Variants in DENND5A observed in about 807,000 individuals in gnomAD.
The protein encoded by DENND5A is DENN domain-containing protein 5A.
DENND5A carries 64 observed loss-of-function variants against 140.3 expected under a neutral mutation model. The observed-to-expected ratio is 0.46, with a 90% CI of 0.37 to 0.56. The LOEUF (loss-of-function observed/expected upper bound fraction) is 0.56. Among genes scored for constraint, DENND5A ranks in the 20% least tolerant of loss-of-function variants. DENND5A has a pLI of 0.00. For synonymous variants in DENND5A, 605 were observed against 607.7 expected, an observed-to-expected ratio of 1.00 and a Z score of 0.07; for missense variants, 1,292 against 1,593.8, an observed-to-expected ratio of 0.81 and a Z score of 3.22.
chr11:9,265,161 C>A lies in DENND5A; in HGVS notation c.-92G>T. 3.2e-6 allele frequency: 2 copies of A among 625,342 alleles called. No individual in the cohort carries two copies. The highest frequency in any genetic ancestry group is 6.7e-5 in the South Asian group (1 of 14,816). 38.7% of individuals were successfully genotyped at this position (625,342 alleles called of 1,614,324 possible). On this transcript the variant is annotated 5_prime_UTR_variant, in exon 1 of 23. Transcript: ENST00000328194. This position sits in a 1 kb window ranked among gnomAD's most constrained non-coding sequence, Gnocchi z 4.7. ...CCCGTCCGCCCTCAGGCCGCCCCTC[C>A]CGCCGCCGCCGCTACCGCGGCTCGG...
intron 5 of DENND5A, among the ~76,000 whole-genome samples, chr11:9,191,793 C>G (rs1051798594): frequency 2.4e-4 from 36 of 152,252 alleles, no homozygotes; most frequent in African/African-American, 8.2e-4. Context: ...GCCTCTTTGG[C>G]CTTCCACCTT....
chr11:9,183,568 A>G (rs1263795465), intron 5 of DENND5A, among the ~76,000 whole-genome samples: 1 of 151,678 alleles, frequency 6.6e-6, no homozygotes, highest in Non-Finnish European at 1.5e-5. Flanking sequence ...ACACAACATC[A>G]CACCTGGCTA....
intron 8 of DENND5A, among the ~76,000 whole-genome samples, chr11:9,174,686 C>T (rs1310619029): frequency 1.3e-5 from 2 of 151,524 alleles, no homozygotes; most frequent in Non-Finnish European, 2.9e-5. Flanking sequence ...AGCAACAGAG[C>T]GAGACCCCAT....
At position 9,222,022 on chromosome 11, in the gene DENND5A, G is replaced by T. The variant is rs370857228; in HGVS notation, c.110-14390C>A. Among the ~76,000 whole-genome samples the T allele has an allele frequency of 7.2e-5, 11 of 152,322 alleles. No homozygotes were observed. In the East Asian group the frequency reaches 2.1e-3, roughly 29 times the overall value. The stretch of plus-strand genomic sequence containing the variant: ...TCCGCCCACCTTGGCCTCCCAAAGT[G>T]CTGGGATTACAGGCGTGAGCCACTG... On this transcript the variant is annotated intron_variant, in intron 1 of 22. Coordinates refer to ENST00000328194, the MANE Select transcript of DENND5A (RefSeq NM_015213.4).
chr11:9,220,365 T>C (rs543336759), intron 1 of DENND5A, among the ~76,000 whole-genome samples: 3 of 151,940 alleles, frequency 2.0e-5, no homozygotes, highest in African/African-American at 7.2e-5. Flanking sequence ...CTGACCAACA[T>C]GGAGAAACCC....
rs1192383909 is a variant in DENND5A at position 9,180,751 on chromosome 11, CAT to C, written c.1455+14_1455+15del. 1.2e-6 allele frequency: 2 copies of C among 1,610,666 alleles called. No homozygotes were observed. The highest frequency in any genetic ancestry group is 1.7e-6 in the Non-Finnish European group (2 of 1,178,124). On this transcript the variant is annotated intron_variant, in intron 6 of 22. Coordinates refer to ENST00000328194, the MANE Select transcript of DENND5A (RefSeq NM_015213.4). Reference sequence around the variant, plus strand: ...GCACAGATCACACGTGTCACAGACTCATATACACATCTTACCTTTTCCAGGCT... The same window carrying C: ...GCACAGATCACACGTGTCACAGACTCATACACATCTTACCTTTTCCAGGCT...
intron 22 of DENND5A, among the ~76,000 whole-genome samples, chr11:9,141,019 G>A (rs759651121): frequency 3.3e-5 from 5 of 152,202 alleles, no homozygotes; most frequent in African/African-American, 9.6e-5. Context: ...CCAGCTACTC[G>A]GGAGGCTGAG....
intron 1 of DENND5A, among the ~76,000 whole-genome samples, chr11:9,214,951 T>C (rs1283337455): frequency 6.6e-6 from 1 of 152,196 alleles, no homozygotes; most frequent in East Asian, 1.9e-4. Flanking sequence ...CTCGAACTCC[T>C]GACCTTAAGT....
intron 15 of DENND5A, 80 bp from the exon 16 acceptor site, chr11:9,147,231 C>T (rs1847462723): frequency 2.0e-6 from 3 of 1,478,960 alleles, no homozygotes; most frequent in Admixed American, 1.8e-5. Context: ...TGGAAGGAGA[C>T]AGCTAAGGGA....
At chr11:9,166,899 CAT>C (rs1424508544) in intron 10 of DENND5A, among the ~76,000 whole-genome samples, 2 of 151,928 alleles carry the variant, frequency 1.3e-5, no homozygotes, top group Non-Finnish European at 2.9e-5. Context: ...TCAAAAAACA[CAT>C]GACTACAGCA....
rs953787615 is a variant in DENND5A, at chr11:9,259,374, C to T, written c.109+5587G>A. Among the ~76,000 whole-genome samples, 5 of 151,522 alleles carry T rather than the reference C, an allele frequency of 3.3e-5. No homozygotes were observed. In the South Asian group the frequency reaches 6.2e-4, roughly 19 times the overall value. On this transcript the variant is annotated intron_variant, in intron 1 of 22. Coordinates refer to ENST00000328194, the MANE Select transcript of DENND5A (RefSeq NM_015213.4). ...GAGATCAAGACCATCCTGGCTAACA[C>T]GGTGACACCCCATCTCTACTAAAAA...
chr11:9,192,646 A>T (rs1487259816), intron 5 of DENND5A, among the ~76,000 whole-genome samples: 2 of 151,706 alleles, frequency 1.3e-5, no homozygotes, highest in African/African-American at 4.8e-5. Flanking sequence ...AACAAAAAAA[A>T]ACAAAAAAAA....
chr11:9,237,417 C>T (rs979483150), intron 1 of DENND5A, among the ~76,000 whole-genome samples: 3 of 151,584 alleles, frequency 2.0e-5, no homozygotes, highest in Non-Finnish European at 2.9e-5. Context: ...AGTGAAACTC[C>T]GTCTCCAGAA....
At chr11:9,261,080 G>A (rs1459418199) in intron 1 of DENND5A, among the ~76,000 whole-genome samples, 1 of 152,098 alleles carries the variant, frequency 6.6e-6, no homozygotes, top group Non-Finnish European at 1.5e-5. Flanking sequence ...CAAACTCCTG[G>A]GCTCAAGCAA....
At position 9,147,147 on chromosome 11, in the gene DENND5A, A is replaced by G. The variant is rs755837168; in HGVS notation, c.2740T>C (p.Leu914=). ...LLSDHELTKK[L]YKRYAFLRCD... ...CGCAGGAAGGCATAGCGCTTATATA[A>G]CTTTCTGTTGGAGAGGAGGTAATAC... Residue 914 remains leucine (L), a synonymous_variant, in exon 16 of 23, where the codon TTA becomes CTA. Coordinates refer to ENST00000328194, the MANE Select transcript of DENND5A (RefSeq NM_015213.4). 6.2e-7 allele frequency: 1 copy of G among 1,613,990 alleles called. No individual in the cohort carries two copies. The highest frequency in any genetic ancestry group is 1.1e-5 in the South Asian group (1 of 91,046).
intron 1 of DENND5A, among the ~76,000 whole-genome samples, chr11:9,263,665 AC>A (rs1296575732): frequency 7.5e-5 from 10 of 132,464 alleles, no homozygotes; most frequent in Admixed American, 7.5e-4. Context: ...ACAAGGTGAA[AC>A]CCCGTCTCTA....
At chr11:9,234,117 G>C (rs1031122575) in intron 1 of DENND5A, among the ~76,000 whole-genome samples, 2 of 151,130 alleles carry the variant, frequency 1.3e-5, no homozygotes, top group Non-Finnish European at 2.9e-5. Context: ...GGCGGAGGCT[G>C]CACTGAGCCA....
At chr11:9,229,899 CTTTTTT>C (rs71062816) in intron 1 of DENND5A, among the ~76,000 whole-genome samples, 3 of 64,906 alleles carry the variant, frequency 4.6e-5, no homozygotes, top group Non-Finnish European at 7.9e-5. Flanking sequence ...GCTCCCATTT[CTTTTTT>C]TTTTTTTTTT....
chr11:9,204,396 A>C, intron 3 of DENND5A, 79 bp from the exon 4 acceptor site: 1 of 1,385,238 alleles, frequency 7.2e-7, no homozygotes, highest in Non-Finnish European at 9.8e-7. Flanking sequence ...CTATTTATTT[A>C]TTTATAGAGC....
Sources: gnomAD v4.1 joint callset for allele counts (sites outside exome capture counted in the v4.1 genomes callset) on GRCh38, gnomAD v4.1.1 for gene constraint, Gnocchi (gnomAD v3.1) non-coding constraint, MANE v1.5 for transcripts, NCBI Gene and HGNC (gene_info 2026-07-23, HGNC 2026-07-21) for gene names.